The following MLLT3 variants were observed in gnomAD, a reference collection of about 807,000 sequenced individuals.
MLLT3 encodes the protein MLLT3 super elongation complex subunit.
Under a neutral mutation model 53.2 loss-of-function variants are expected in MLLT3, and 4 were observed. That is an observed-to-expected ratio of 0.08 (90% CI 0.04 to 0.17). MLLT3 has a LOEUF of 0.17. Ranked by LOEUF, MLLT3 falls within the 10% of genes least tolerant of loss-of-function variation. The pLI is 1.00. For missense variants in MLLT3, 569 were observed against 684.0 expected (o/e 0.83, Z 1.87); for synonymous variants, 283 against 230.6 (o/e 1.23, Z -2.06).
intron 2 of MLLT3, among the ~76,000 whole-genome samples, chr9:20,614,546 A>T (rs1820778260): frequency 6.6e-6 from 1 of 152,186 alleles, no homozygotes; most frequent in East Asian, 1.9e-4. Flanking sequence ...ATATATAAAG[A>T]TGTCTAACAA....
chr9:20,429,588 T>C (rs1347424324), intron 4 of MLLT3, among the ~76,000 whole-genome samples: 1 of 152,116 alleles, frequency 6.6e-6, no homozygotes, highest in Non-Finnish European at 1.5e-5. Flanking sequence ...CAAAACCACA[T>C]TGGGTTTAAT....
intron 5 of MLLT3, among the ~76,000 whole-genome samples, chr9:20,403,790 A>G (rs954930722): frequency 6.6e-6 from 1 of 152,204 alleles, no homozygotes; most frequent in Non-Finnish European, 1.5e-5. Flanking sequence ...AAATTAGGTT[A>G]TCTTGAGTAG....
intron 2 of MLLT3, among the ~76,000 whole-genome samples, chr9:20,585,562 A>T (rs1345010935): frequency 3.9e-5 from 6 of 152,212 alleles, no homozygotes; most frequent in Non-Finnish European, 7.3e-5. Flanking sequence ...GTCCCTGTGG[A>T]TCCACATCCT....
At chr9:20,570,317 A>T (rs1376711185) in intron 2 of MLLT3, among the ~76,000 whole-genome samples, 3 of 152,314 alleles carry the variant, frequency 2.0e-5, no homozygotes, top group Admixed American at 2.0e-4. Context: ...TTCCGTCAGC[A>T]TTACTAGCAT....
Position 20,620,591 on chromosome 9 carries a change from C to G in MLLT3, c.193+63G>C. 6.6e-7 allele frequency: 1 copy of G among 1,510,316 alleles called. No individual in the cohort carries two copies. The highest frequency in any genetic ancestry group is 9.0e-7 in the Non-Finnish European group (1 of 1,110,772). 93.6% of individuals were successfully genotyped at this position (1,510,316 alleles called of 1,614,324 possible). On this transcript the variant is annotated intron_variant, in intron 2 of 10. Transcript: ENST00000380338. This position sits in a 1 kb window ranked among gnomAD's most constrained non-coding sequence, Gnocchi z 6.1. Reference sequence around the variant, plus strand: ...GGCGGGGAGCGGGACAGCGGGACCGCCCGGGCCAAGCGATTGTTTCAAAGA... The same window carrying G: ...GGCGGGGAGCGGGACAGCGGGACCGGCCGGGCCAAGCGATTGTTTCAAAGA...
intron 2 of MLLT3, among the ~76,000 whole-genome samples, chr9:20,520,218 G>A (rs1175174791): frequency 6.6e-6 from 1 of 152,098 alleles, no homozygotes; most frequent in Non-Finnish European, 1.5e-5. Context: ...AGTGAAAGGA[G>A]GGAGAGGATC....
At chr9:20,435,428 A>G (rs981721526) in intron 4 of MLLT3, among the ~76,000 whole-genome samples, 3 of 152,184 alleles carry the variant, frequency 2.0e-5, no homozygotes, top group South Asian at 2.1e-4. Context: ...AAGTTGACCA[A>G]GGGTTAAGGC....
chr9:20,471,971 G>C (rs747476883), intron 2 of MLLT3, among the ~76,000 whole-genome samples: 1 of 151,788 alleles, frequency 6.6e-6, no homozygotes, highest in Non-Finnish European at 1.5e-5. Flanking sequence ...TATTAGAATA[G>C]CATAATACTG....
intron 2 of MLLT3, among the ~76,000 whole-genome samples, chr9:20,594,309 G>A (rs1225968904): frequency 6.6e-6 from 1 of 152,066 alleles, no homozygotes; most frequent in African/African-American, 2.4e-5. Flanking sequence ...CAAGAGTTAT[G>A]AGTGCTCCTC....
chr9:20,388,837 T>A (rs918365839), intron 5 of MLLT3, among the ~76,000 whole-genome samples: 2 of 152,072 alleles, frequency 1.3e-5, no homozygotes, highest in Non-Finnish European at 2.9e-5. Context: ...GGTGAAAATA[T>A]TGGTAATAAC....
At chr9:20,401,996 A>G (rs930332431) in intron 5 of MLLT3, among the ~76,000 whole-genome samples, 12 of 152,160 alleles carry the variant, frequency 7.9e-5, no homozygotes, top group African/African-American at 2.9e-4. Flanking sequence ...TGTAAAAAAT[A>G]TATTGGTAAC....
intron 4 of MLLT3, among the ~76,000 whole-genome samples, chr9:20,426,474 A>T (rs1823141209): frequency 6.6e-6 from 1 of 152,178 alleles, no homozygotes; most frequent in Non-Finnish European, 1.5e-5. Context: ...TAAAATGAAA[A>T]ACAGTACCTG....
chr9:20,571,654 T>C (rs1321077352), intron 2 of MLLT3, among the ~76,000 whole-genome samples: 1 of 152,180 alleles, frequency 6.6e-6, no homozygotes. Flanking sequence ...TGTGTTTTCA[T>C]TGTTCAACTC....
intron 3 of MLLT3, among the ~76,000 whole-genome samples, chr9:20,449,436 C>T (rs1052545349): frequency 1.3e-5 from 2 of 152,164 alleles, no homozygotes; most frequent in South Asian, 2.1e-4. Flanking sequence ...GTTGACTGAA[C>T]ATTTATCCCT....
At chr9:20,470,658 A>G (rs1024463270) in intron 2 of MLLT3, among the ~76,000 whole-genome samples, 2 of 152,044 alleles carry the variant, frequency 1.3e-5, no homozygotes, top group South Asian at 2.1e-4. Context: ...TAAATTCCAA[A>G]TCCATCTGAC....
intron 5 of MLLT3, among the ~76,000 whole-genome samples, chr9:20,370,463 T>C (rs1186824192): frequency 6.6e-6 from 1 of 151,924 alleles, no homozygotes; most frequent in Non-Finnish European, 1.5e-5. Context: ...TTAGGCCAAT[T>C]AATAATCCTA....
chr9:20,515,143 TC>T (rs1817876341), intron 2 of MLLT3, among the ~76,000 whole-genome samples: 1 of 152,020 alleles, frequency 6.6e-6, no homozygotes, highest in African/African-American at 2.4e-5. Flanking sequence ...AGATGGGGTT[TC>T]ACTATGTTGG....
intron 4 of MLLT3, among the ~76,000 whole-genome samples, chr9:20,427,319 A>C (rs1005882690): frequency 2.6e-5 from 4 of 152,062 alleles, no homozygotes; most frequent in African/African-American, 9.7e-5. Context: ...AAAAAAAAAA[A>C]ACACTGTTGG....
Position 20,508,828 on chromosome 9 carries a change from GA to G in MLLT3, c.194-52043del, listed in dbSNP as rs1259482189. Reference sequence around the variant, plus strand: ...CTAAGCATCCCCATTTTACAATACTGAAAAACATTTCCATTTTATGGTATCA... The same window carrying G: ...CTAAGCATCCCCATTTTACAATACTGAAAACATTTCCATTTTATGGTATCA... On this transcript the variant is annotated intron_variant, in intron 2 of 10. Coordinates refer to ENST00000380338, the MANE Select transcript of MLLT3 (RefSeq NM_004529.4). Among the ~76,000 whole-genome samples, 10 of 152,288 alleles carry G rather than the reference GA, an allele frequency of 6.6e-5. No homozygotes were observed. The East Asian group carries it at 1.7e-3, about 26-fold the overall frequency.
Sources: allele counts gnomAD v4.1 joint callset (sites outside exome capture counted in the v4.1 genomes callset), GRCh38; gene constraint gnomAD v4.1.1; non-coding constraint Gnocchi (gnomAD v3.1); transcripts MANE v1.5; gene names NCBI Gene and HGNC (gene_info 2026-07-23, HGNC 2026-07-21).